Variants in FILIP1L observed in about 807,000 individuals in gnomAD.
FILIP1L encodes filamin A-interacting protein 1-like.
A neutral mutation model predicts 96.6 loss-of-function variants in FILIP1L; 55 were observed. The ratio of observed to expected loss-of-function variants is 0.57; its 90% CI spans 0.46 to 0.71. The LOEUF (loss-of-function observed/expected upper bound fraction) is 0.71. Ranked by LOEUF, FILIP1L falls within the 30% of genes least tolerant of loss-of-function variation. The probability of loss-of-function intolerance (pLI) is 0.00; values close to 1 mark genes in which losing one functional copy is unlikely to be tolerated. For missense variants in FILIP1L, 1,304 were observed against 1,321.2 expected, an observed-to-expected ratio of 0.99 and a Z score of 0.20; for synonymous variants, 467 against 473.9, an observed-to-expected ratio of 0.99 and a Z score of 0.19.
At chr3:99,957,463 TAGAG>T (rs987585397) in intron 1 of FILIP1L, among the ~76,000 whole-genome samples, 2 of 151,922 alleles carry the variant, frequency 1.3e-5, no homozygotes, top group African/African-American at 4.8e-5. Flanking sequence ...TATATATATA[TAGAG>T]AGAGAGACAT....
At chr3:99,855,462 G>A (rs1470453617) in intron 4 of FILIP1L, among the ~76,000 whole-genome samples, 1 of 152,068 alleles carries the variant, frequency 6.6e-6, no homozygotes, top group Non-Finnish European at 1.5e-5. Context: ...TACATCTGTC[G>A]GTTCTAATTC....
chr3:100,050,766 G>A (rs985719977), intron 1 of FILIP1L, among the ~76,000 whole-genome samples: 2 of 152,114 alleles, frequency 1.3e-5, no homozygotes, highest in African/African-American at 4.8e-5. Flanking sequence ...CTGACCTCAG[G>A]TGATCCACCC....
chr3:99,984,805 T>G (rs990564093), intron 1 of FILIP1L, among the ~76,000 whole-genome samples: 4 of 152,158 alleles, frequency 2.6e-5, no homozygotes, highest in Non-Finnish European at 5.9e-5. Context: ...AAATCAAGGA[T>G]CATATTCAGC....
chr3:100,111,059 C>T (rs2066482449), intron 1 of FILIP1L, among the ~76,000 whole-genome samples: 1 of 152,098 alleles, frequency 6.6e-6, no homozygotes, highest in East Asian at 1.9e-4. Flanking sequence ...AGCTTTACAG[C>T]CCAGTTCGCC....
At chr3:99,955,793 A>C (rs1342365637) in intron 1 of FILIP1L, among the ~76,000 whole-genome samples, 1 of 152,200 alleles carries the variant, frequency 6.6e-6, no homozygotes, top group African/African-American at 2.4e-5. Flanking sequence ...GAAGGAAATA[A>C]GATGGAATTT....
chr3:99,868,264 G>C (rs1944618728), intron 4 of FILIP1L, among the ~76,000 whole-genome samples: 1 of 150,350 alleles, frequency 6.7e-6, no homozygotes, highest in Non-Finnish European at 1.5e-5. Flanking sequence ...TCAAGGTAAA[G>C]GGTAACCTCT....
At chr3:100,055,825 T>G (rs769770241) in intron 1 of FILIP1L, among the ~76,000 whole-genome samples, 1 of 152,206 alleles carries the variant, frequency 6.6e-6, no homozygotes, top group Non-Finnish European at 1.5e-5. Flanking sequence ...TCTTTCTTGT[T>G]TATATTAAAT....
intron 1 of FILIP1L, among the ~76,000 whole-genome samples, chr3:100,112,083 C>A (rs2066501054): frequency 6.6e-6 from 1 of 152,146 alleles, no homozygotes; most frequent in Admixed American, 6.6e-5. Flanking sequence ...AACAAATGAG[C>A]AAACAAACTA....
At chr3:99,972,595 T>G (rs1559709380) in intron 1 of FILIP1L, among the ~76,000 whole-genome samples, 1 of 152,208 alleles carries the variant, frequency 6.6e-6, no homozygotes, top group Non-Finnish European at 1.5e-5. Context: ...AAATAACGGT[T>G]CATGTTTCCA....
intron 1 of FILIP1L, among the ~76,000 whole-genome samples, chr3:100,107,326 G>A (rs1192672060): frequency 6.6e-6 from 1 of 152,122 alleles, no homozygotes. Context: ...CTGGGAAAAT[G>A]ACAAAGTGCA....
intron 1 of FILIP1L, among the ~76,000 whole-genome samples, chr3:99,975,064 A>G (rs1414666323): frequency 2.0e-5 from 3 of 152,236 alleles, no homozygotes; most frequent in African/African-American, 7.2e-5. Flanking sequence ...CTAATGTTCC[A>G]GGAACTATAC....
intron 4 of FILIP1L, among the ~76,000 whole-genome samples, chr3:99,864,985 G>C (rs1476144095): frequency 6.6e-6 from 1 of 152,080 alleles, no homozygotes; most frequent in Non-Finnish European, 1.5e-5. Context: ...TTCTGGTAGG[G>C]AACAGTACCT....
In FILIP1L at chr3:100,014,436, C is replaced by G. The variant is rs140982167; in HGVS notation, c.-10-83406G>C. On this transcript the variant is annotated intron_variant, in intron 1 of 5. Transcript: ENST00000477258. The stretch of plus-strand genomic sequence containing the variant: ...CCTGCAGACTTATTTTCTGTAATAG[C>G]TATTATAATTTACATTCCCACCAAC... Among the ~76,000 whole-genome samples the G allele has an allele frequency of 7.2e-3, 1,094 of 152,004 alleles. 4 individuals carry two copies. The highest frequency in any genetic ancestry group is 1.0e-2 in the African/African-American group (414 of 41,482).
intron 1 of FILIP1L, among the ~76,000 whole-genome samples, chr3:99,948,407 G>A (rs1161701812): frequency 6.6e-6 from 1 of 151,894 alleles, no homozygotes; most frequent in African/African-American, 2.4e-5. Flanking sequence ...GTAGGGTGAT[G>A]CACACCTGTA....
chr3:99,967,337 A>G (rs1247427752), intron 1 of FILIP1L, among the ~76,000 whole-genome samples: 1 of 152,230 alleles, frequency 6.6e-6, no homozygotes, highest in Non-Finnish European at 1.5e-5. Flanking sequence ...CATTCCTTTC[A>G]CAGAGAGCTC....
At chr3:99,929,610 G>A (rs940959598) in intron 3 of FILIP1L, among the ~76,000 whole-genome samples, 2 of 151,960 alleles carry the variant, frequency 1.3e-5, no homozygotes, top group South Asian at 2.1e-4. Flanking sequence ...GTGAGAGTGG[G>A]GAGCATTCTC....
rs373790378 is a variant in FILIP1L at position 99,962,868 on chromosome 3, G to A, written c.-10-31838C>T. On this transcript the variant is annotated intron_variant, in intron 1 of 5. Coordinates refer to ENST00000477258, the MANE Select transcript of FILIP1L (RefSeq NM_001387850.1). The stretch of plus-strand genomic sequence containing the variant: ...ACTCTGAGGGTGCCTTAAGACAATG[G>A]CTGTAGCCTGCTGTTTATGGTCACA... Among the ~76,000 whole-genome samples the A allele has an allele frequency of 1.7e-4, 26 of 152,318 alleles. 1 individual carries two copies. In the East Asian group the frequency reaches 2.1e-3, roughly 12 times the overall value.
chr3:100,059,698 C>G (rs1472101701), intron 1 of FILIP1L, among the ~76,000 whole-genome samples: 1 of 152,180 alleles, frequency 6.6e-6, no homozygotes, highest in East Asian at 1.9e-4. Flanking sequence ...CTGAAGAAGT[C>G]AGTCATTACA....
intron 1 of FILIP1L, among the ~76,000 whole-genome samples, chr3:100,035,321 T>C (rs989986169): frequency 1.3e-5 from 2 of 152,208 alleles, no homozygotes; most frequent in Non-Finnish European, 2.9e-5. Flanking sequence ...TCACCCAGGC[T>C]GGAGTTCAAT....
Sources: gnomAD v4.1 joint callset for allele counts (sites outside exome capture counted in the v4.1 genomes callset) on GRCh38, gnomAD v4.1.1 for gene constraint, MANE v1.5 for transcripts, NCBI Gene and HGNC (gene_info 2026-07-23, HGNC 2026-07-21) for gene names.